LYST: variants seen among roughly 807,000 people sequenced by gnomAD.
The protein encoded by LYST is lysosomal-trafficking regulator.
A neutral mutation model predicts 413.6 loss-of-function variants in LYST; 192 were observed. The observed-to-expected ratio is 0.46, with a 90% CI of 0.41 to 0.52. The LOEUF is 0.52. LYST is among the 20% of genes least tolerant of loss of function. The probability of loss-of-function intolerance (pLI) is 0.00; values close to 1 mark genes in which losing one functional copy is unlikely to be tolerated. For synonymous variants in LYST, 1,525 were observed against 1,567.3 expected (o/e 0.97, Z 0.64); for missense variants, 3,815 against 4,499.9 (o/e 0.85, Z 4.35).
chr1:235,787,180 T>C lies in LYST; in HGVS notation c.4862+20A>G. The C allele has an allele frequency of 6.3e-7, 1 of 1,597,328 alleles. No homozygotes were observed. The highest frequency in any genetic ancestry group is 1.1e-5 in the South Asian group (1 of 90,762). On this transcript the variant is annotated intron_variant, in intron 14 of 52. Coordinates refer to ENST00000389793, the MANE Select transcript of LYST (RefSeq NM_000081.4). ...CATTGTAACTGAGATTGAGATGCAT[T>C]TTCTCAAAATGCTTCCTACCTCTGT...
chr1:235,831,126 A>G (rs1005486404), intron 2 of LYST, among the ~76,000 whole-genome samples: 1 of 152,222 alleles, frequency 6.6e-6, no homozygotes, highest in African/African-American at 2.4e-5. Context: ...CTCTGGGCTA[A>G]AAGTAATTTT....
chr1:235,793,711 T>C (rs1221294192), intron 10 of LYST, 99 bp from the exon 11 acceptor site: 4 of 659,840 alleles, frequency 6.1e-6, no homozygotes, highest in Non-Finnish European at 1.1e-5. Context: ...TGTCACTTTT[T>C]GAATGGATTA....
chr1:235,720,428 G>A (rs758426723), intron 40 of LYST, among the ~76,000 whole-genome samples: 3 of 152,096 alleles, frequency 2.0e-5, no homozygotes, highest in Admixed American at 6.5e-5. Flanking sequence ...GTAGAACAAA[G>A]AAGTGACATA....
intron 3 of LYST, chr1:235,827,688 A>G: frequency 1.0e-6 from 1 of 983,182 alleles, no homozygotes; most frequent in Non-Finnish European, 1.2e-6. Flanking sequence ...TGTTCCTACT[A>G]TTATTGCTAC....
chr1:235,786,977 A>G, intron 14 of LYST: 1 of 371,890 alleles, frequency 2.7e-6, no homozygotes, highest in Non-Finnish European at 5.1e-6. Flanking sequence ...CAGCACACCA[A>G]CATGGCACAT....
In LYST at chr1:235,818,309, T is replaced by C. The variant is rs115119518; in HGVS notation, c.193-5248A>G. ...GACCACATAAAGGAGTTCAGGTTTA[T>C]CTCTAAATATGATGGGAAACTTTCC... On this transcript the variant is annotated intron_variant, in intron 3 of 52. Coordinates refer to ENST00000389793, the MANE Select transcript of LYST (RefSeq NM_000081.4). 3.3e-4 allele frequency among the ~76,000 whole-genome samples: 50 copies of C among 152,214 alleles called. 1 individual carries two copies. Among genetic ancestry groups the C allele is most frequent in the African/African-American group, 1.2e-3 (48 of 41,520 alleles).
In LYST at chr1:235,835,100, T is replaced by TGGG. The variant is rs112045100; in HGVS notation, c.-97-1436_-97-1434dup. ...GCCTGGCTAATTTTTGTATTTTTAA[T>TGGG]GGGGGGGGGTTTCGCCACATTGGCC... On this transcript the variant is annotated intron_variant, in intron 1 of 52. Coordinates refer to ENST00000389793, the MANE Select transcript of LYST (RefSeq NM_000081.4). Among the ~76,000 whole-genome samples, 224 of 146,518 alleles carry TGGG rather than the reference T, an allele frequency of 1.5e-3. 1 individual carries two copies. The highest frequency in any genetic ancestry group is 5.2e-3 in the African/African-American group (196 of 37,808).
chr1:235,697,183 G>C lies in LYST; in HGVS notation c.10464C>G (p.Pro3488=), dbSNP rs767424814. The change falls in exon 46 of 53, where the codon CCC becomes CCG. Residue 3488 remains proline, a synonymous_variant. Transcript: ENST00000389793. The stretch of plus-strand genomic sequence containing the variant: ...GGAGAGAGCCAAATCTTTCTCCGTG[G>C]GGCTGGCTGAAGCAGACCACAGGTA... ...APVPVVCFSQ[P]HGERFGSLQA... 4.3e-6 allele frequency: 7 copies of C among 1,614,118 alleles called. No homozygotes were observed. Among genetic ancestry groups the C allele is most frequent in the Non-Finnish European group, 5.9e-6 (7 of 1,180,000 alleles).
chr1:235,820,550 T>C (rs1674645807), intron 3 of LYST, among the ~76,000 whole-genome samples: 1 of 151,994 alleles, frequency 6.6e-6, no homozygotes, highest in Admixed American at 6.6e-5. Context: ...TTGTATTTTT[T>C]TGTAGAGATG....
At chr1:235,823,463 A>T (rs1316640497) in intron 3 of LYST, among the ~76,000 whole-genome samples, 2 of 152,216 alleles carry the variant, frequency 1.3e-5, no homozygotes, top group Non-Finnish European at 2.9e-5. Context: ...CCATTAACTC[A>T]CTTGTCAAAT....
chr1:235,768,386 G>A (rs1298556180), intron 20 of LYST, among the ~76,000 whole-genome samples: 4 of 151,938 alleles, frequency 2.6e-5, no homozygotes, highest in Non-Finnish European at 5.9e-5. Flanking sequence ...TCTTTATGCT[G>A]TACTCACAAA....
chr1:235,718,034 T>C (rs1409562777), intron 40 of LYST, among the ~76,000 whole-genome samples: 1 of 152,062 alleles, frequency 6.6e-6, no homozygotes, highest in African/African-American at 2.4e-5. Flanking sequence ...TGGCTAATTT[T>C]TGTATTTTTA....
At chr1:235,764,158 C>T (rs1667867203) in intron 21 of LYST, among the ~76,000 whole-genome samples, 1 of 152,198 alleles carries the variant, frequency 6.6e-6, no homozygotes, top group Non-Finnish European at 1.5e-5. Context: ...CTTTAAGATT[C>T]AGGGCAGGCA....
chr1:235,691,041 C>T (rs1057042947), intron 47 of LYST, among the ~76,000 whole-genome samples: 29 of 152,066 alleles, frequency 1.9e-4, no homozygotes, highest in African/African-American at 6.0e-4. Context: ...CTCAGCCTCC[C>T]GAGTAGCTGG....
At chr1:235,795,034 T>C (rs1671409703) in intron 10 of LYST, among the ~76,000 whole-genome samples, 2 of 152,170 alleles carry the variant, frequency 1.3e-5, no homozygotes, top group South Asian at 4.1e-4. Flanking sequence ...TTAAAAATAT[T>C]TCTTGAAGAT....
At chr1:235,777,571 T>C (rs1024197282) in intron 16 of LYST, among the ~76,000 whole-genome samples, 4 of 152,224 alleles carry the variant, frequency 2.6e-5, no homozygotes, top group Non-Finnish European at 5.9e-5. Flanking sequence ...CGGTTTAGAA[T>C]ATATATTAAG....
At chr1:235,781,881 C>T in intron 15 of LYST, 46 bp downstream of exon 15, 1 of 1,316,306 alleles carries the variant, frequency 7.6e-7, no homozygotes, top group Non-Finnish European at 1.1e-6. Flanking sequence ...AAATCTCACT[C>T]TGTCGCCCAG....
At chr1:235,795,507 A>C (rs1671464281) in intron 10 of LYST, among the ~76,000 whole-genome samples, 1 of 152,226 alleles carries the variant, frequency 6.6e-6, no homozygotes, top group Non-Finnish European at 1.5e-5. Context: ...ACTATACGCC[A>C]GCCAAGCCCT....
intron 1 of LYST, among the ~76,000 whole-genome samples, chr1:235,845,499 G>A (rs552121193): frequency 2.6e-5 from 4 of 152,148 alleles, no homozygotes; most frequent in Non-Finnish European, 4.4e-5. Context: ...CAGAACTCCG[G>A]GGAGGGTGCA....
Sources: gnomAD v4.1 joint callset for allele counts (sites outside exome capture counted in the v4.1 genomes callset) on GRCh38, gnomAD v4.1.1 for gene constraint, MANE v1.5 for transcripts, NCBI Gene and HGNC (gene_info 2026-07-23, HGNC 2026-07-21) for gene names.